The following IPCEF1 variants were observed in gnomAD, a reference collection of about 807,000 sequenced individuals.
IPCEF1 encodes the protein interaction protein for cytohesin exchange factors 1.
In IPCEF1, 31 loss-of-function variants were observed where a neutral mutation model predicts 50.9. That is an observed-to-expected ratio of 0.61 (90% CI 0.46 to 0.82). The LOEUF (loss-of-function observed/expected upper bound fraction) is 0.82. Among genes scored for constraint, IPCEF1 ranks in the 40% least tolerant of loss-of-function variants. IPCEF1 has a pLI of 0.00. For synonymous variants in IPCEF1, 181 were observed against 192.0 expected, an observed-to-expected ratio of 0.94 and a Z score of 0.47; for missense variants, 458 against 514.0, an observed-to-expected ratio of 0.89 and a Z score of 1.05.
At chr6:154,316,501 C>G (rs1183752266) in intron 1 of IPCEF1, among the ~76,000 whole-genome samples, 1 of 152,138 alleles carries the variant, frequency 6.6e-6, no homozygotes, top group Non-Finnish European at 1.5e-5. Context: ...CATTATGTTA[C>G]ATGAAATAAG....
At chr6:154,181,884 T>C (rs1172451844) in intron 10 of IPCEF1, among the ~76,000 whole-genome samples, 1 of 152,014 alleles carries the variant, frequency 6.6e-6, no homozygotes, top group Non-Finnish European at 1.5e-5. Flanking sequence ...CATAAATACA[T>C]GTGTACAAGA....
At chr6:154,234,175 G>A (rs1779933077) in intron 5 of IPCEF1, among the ~76,000 whole-genome samples, 1 of 152,074 alleles carries the variant, frequency 6.6e-6, no homozygotes. Context: ...ACCACTGGAG[G>A]ACAGTGAGAC....
chr6:154,170,995 C>A (rs1052455945), intron 10 of IPCEF1, among the ~76,000 whole-genome samples: 1 of 152,204 alleles, frequency 6.6e-6, no homozygotes, highest in African/African-American at 2.4e-5. Flanking sequence ...CTCAGCCTCT[C>A]AAGTAGCTGG....
intron 3 of IPCEF1, among the ~76,000 whole-genome samples, chr6:154,250,829 TC>T (rs1781320019): frequency 6.6e-6 from 1 of 152,238 alleles, no homozygotes. Flanking sequence ...TAAAATGGGC[TC>T]TCTGGTTGCA....
Position 154,154,558 on chromosome 6 carries a change from C to G in IPCEF1, c.*5270G>C, listed in dbSNP as rs143719571. On this transcript the variant is annotated 3_prime_UTR_variant, in exon 12 of 12. Coordinates refer to ENST00000367220, the MANE Select transcript of IPCEF1 (RefSeq NM_001130700.2). ...ACAAGTCTAGAAGCGATTTTGATGA[C>G]TGCCACCAGAGGGCACTGTAACCTT... 7.0e-4 allele frequency: 106 copies of G among 152,300 alleles called. 1 individual carries two copies. The highest frequency in any genetic ancestry group is 2.4e-3 in the African/African-American group (100 of 41,570). 9.4% of individuals were successfully genotyped at this position (152,300 alleles called of 1,614,324 possible).
chr6:154,163,315 T>C (rs1799171981), intron 11 of IPCEF1, among the ~76,000 whole-genome samples: 1 of 152,206 alleles, frequency 6.6e-6, no homozygotes, highest in Non-Finnish European at 1.5e-5. Context: ...GGTGTTTGTG[T>C]TTTTGTTCCT....
At chr6:154,321,579 A>T (rs538731999) in intron 1 of IPCEF1, among the ~76,000 whole-genome samples, 1 of 152,132 alleles carries the variant, frequency 6.6e-6, no homozygotes, top group Non-Finnish European at 1.5e-5. Context: ...GGGGTTCAAG[A>T]CTAGCCTGGC....
intron 1 of IPCEF1, among the ~76,000 whole-genome samples, chr6:154,314,025 G>T (rs1783152368): frequency 6.6e-6 from 1 of 152,104 alleles, no homozygotes; most frequent in Non-Finnish European, 1.5e-5. Flanking sequence ...TGGGATTACA[G>T]GTGTGAGCCA....
chr6:154,288,398 T>A (rs1444256737), intron 2 of IPCEF1, among the ~76,000 whole-genome samples: 2 of 152,202 alleles, frequency 1.3e-5, no homozygotes, highest in Non-Finnish European at 2.9e-5. Context: ...GCGCGGTGGC[T>A]CACGCCTGTA....
At chr6:154,218,789 G>A (rs1400609890) in intron 7 of IPCEF1, among the ~76,000 whole-genome samples, 1 of 152,152 alleles carries the variant, frequency 6.6e-6, no homozygotes, top group Non-Finnish European at 1.5e-5. Flanking sequence ...CATTTAGCCG[G>A]ATGGACAATT....
At chr6:154,194,335 G>A (rs1016301820) in intron 10 of IPCEF1, among the ~76,000 whole-genome samples, 1 of 151,918 alleles carries the variant, frequency 6.6e-6, no homozygotes, top group Non-Finnish European at 1.5e-5. Flanking sequence ...GGAGGCAGAG[G>A]TTGCCGTGAG....
intron 3 of IPCEF1, among the ~76,000 whole-genome samples, chr6:154,247,994 G>T (rs1325657352): frequency 2.0e-5 from 3 of 152,160 alleles, no homozygotes; most frequent in Admixed American, 2.0e-4. Flanking sequence ...TAAACCACAT[G>T]AATTAAATAT....
At chr6:154,172,224 T>G (rs921616502) in intron 10 of IPCEF1, among the ~76,000 whole-genome samples, 1 of 152,228 alleles carries the variant, frequency 6.6e-6, no homozygotes, top group Non-Finnish European at 1.5e-5. Context: ...GTGAAATCAA[T>G]GCAGAAGACA....
chr6:154,213,451 A>C (rs1045742502), intron 8 of IPCEF1: 1 of 153,304 alleles, frequency 6.5e-6, no homozygotes, highest in African/African-American at 2.4e-5. Flanking sequence ...GGAAAAGAGG[A>C]CCAAGAAGAT....
rs757062377 is a variant in IPCEF1, at chr6:154,247,431, C to T, written c.76+18G>A. 1.2e-6 allele frequency: 2 copies of T among 1,604,952 alleles called. No homozygotes were observed. On this transcript the variant is annotated intron_variant, in intron 4 of 11. Coordinates refer to ENST00000367220, the MANE Select transcript of IPCEF1 (RefSeq NM_001130700.2). ...CGTACACAAAATGGAGATAAAGAAACAAAAGAGATCTAATTACCTTGAGTT... is the reference window on the plus strand; with the variant it reads ...CGTACACAAAATGGAGATAAAGAAATAAAAGAGATCTAATTACCTTGAGTT...
chr6:154,195,815 G>T (rs183066297), intron 10 of IPCEF1, among the ~76,000 whole-genome samples: 62 of 144,172 alleles, frequency 4.3e-4, no homozygotes, highest in Non-Finnish European at 5.9e-4. Context: ...TTTTTGAAAC[G>T]GAGTCTTGCT....
chr6:154,352,689 T>G (rs1224426886), intron 1 of IPCEF1, among the ~76,000 whole-genome samples: 3 of 152,212 alleles, frequency 2.0e-5, no homozygotes, highest in African/African-American at 7.2e-5. Flanking sequence ...AAATATTTTA[T>G]TTTGGTTACG....
intron 7 of IPCEF1, among the ~76,000 whole-genome samples, chr6:154,221,041 C>T (rs536311547): frequency 4.2e-4 from 64 of 152,300 alleles, no homozygotes; most frequent in African/African-American, 1.3e-3. Flanking sequence ...CTTAGTGGTT[C>T]CCCGAAATAG....
chr6:154,324,151 A>G (rs1377772471), intron 1 of IPCEF1, among the ~76,000 whole-genome samples: 2 of 152,260 alleles, frequency 1.3e-5, no homozygotes, highest in Non-Finnish European at 2.9e-5. Context: ...TGTGAAACAG[A>G]CAACATTTCA....
Sources: allele counts gnomAD v4.1 joint callset (sites outside exome capture counted in the v4.1 genomes callset), GRCh38; gene constraint gnomAD v4.1.1; transcripts MANE v1.5; gene names NCBI Gene and HGNC (gene_info 2026-07-23, HGNC 2026-07-21).